The following SYDE2 variants were observed in gnomAD, a reference collection of about 807,000 sequenced individuals.
SYDE2 encodes the protein synapse defective Rho GTPase homolog 2.
SYDE2 carries 76 observed loss-of-function variants against 91.5 expected under a neutral mutation model. The ratio of observed to expected loss-of-function variants is 0.83; its 90% CI spans 0.69 to 1.01. SYDE2 has a LOEUF of 1.01. Ranked by LOEUF, SYDE2 falls within the 50% of genes least tolerant of loss-of-function variation. SYDE2 has a pLI of 0.00. For synonymous variants in SYDE2, 513 were observed against 506.4 expected (o/e 1.01, Z -0.18); for missense variants, 1,364 against 1,367.7 (o/e 1.00, Z 0.04).
At chr1:85,175,041 C>T (rs746034156) in intron 4 of SYDE2, among the ~76,000 whole-genome samples, 41 of 152,156 alleles carry the variant, frequency 2.7e-4, no homozygotes, top group Admixed American at 3.9e-4. Flanking sequence ...GTCAAATGAA[C>T]TTTCAGGTAC....
chr1:85,159,718 T>G, intron 6 of SYDE2: 1 of 424,706 alleles, frequency 2.4e-6, no homozygotes, highest in Non-Finnish European at 3.1e-6. Context: ...TTCCGACCCT[T>G]GTGGGCTTTT....
At chr1:85,155,831 A>C (rs373726289), downstream of SYDE2, among the ~76,000 whole-genome samples, 8 of 152,350 alleles carry the variant, frequency 5.3e-5, no homozygotes, top group East Asian at 1.2e-3. Flanking sequence ...AGGGAAAACT[A>C]TACATCTATT....
downstream of SYDE2, among the ~76,000 whole-genome samples, chr1:85,155,053 GAAAAGAAAGA>G (rs1557736572): frequency 1.7e-5 from 2 of 116,746 alleles, no homozygotes; most frequent in African/African-American, 6.4e-5. Flanking sequence ...AGAAAAGAAA[GAAAAGAAAGA>G]AAAAAAAAAT....
At chr1:85,185,197 T>A (rs1190699843) in intron 2 of SYDE2, among the ~76,000 whole-genome samples, 1 of 147,956 alleles carries the variant, frequency 6.8e-6, no homozygotes, top group East Asian at 1.9e-4. Flanking sequence ...TATTTTACAA[T>A]ATTAAATGTA....
rs549748234 is a variant in SYDE2, at chr1:85,187,518, A to G, written c.1441+2539T>C. 2.4e-3 allele frequency among the ~76,000 whole-genome samples: 367 copies of G among 151,206 alleles called. 2 individuals carry two copies. Among genetic ancestry groups the G allele is most frequent in the African/African-American group, 8.5e-3 (350 of 41,288 alleles). ...TGACCCAGCCATCCCATTACTGGGT[A>G]TATACCCAAAGGACTATAAATCATG... is the stretch of plus-strand genomic sequence containing the variant. On this transcript the variant is annotated intron_variant, in intron 2 of 6. Transcript: ENST00000341460.
chr1:85,183,080 T>C lies in SYDE2; in HGVS notation c.1562A>G (p.Lys521Arg), dbSNP rs777239129. 2.5e-6 allele frequency: 4 copies of C among 1,613,460 alleles called. No homozygotes were observed. In the African/African-American group the frequency reaches 5.3e-5, roughly 22 times the overall value. The change falls in exon 3 of 7, where the codon AAA becomes AGA. Residue 521 changes from lysine (K) to arginine (R), a missense_variant. Transcript: ENST00000341460. Reference protein sequence around the residue: ...SINWSLPDKIKSPRTVRKLSM... With the variant: ...SINWSLPDKIRSPRTVRKLSM... Reference sequence around the variant, plus strand: ...AAGTTTCCTCACAGTTCGTGGAGATTTTATTTTATCTGGCAATGACCAATT... The same window carrying C: ...AAGTTTCCTCACAGTTCGTGGAGATCTTATTTTATCTGGCAATGACCAATT...
chr1:85,192,325 C>G (rs1393207661), intron 1 of SYDE2, among the ~76,000 whole-genome samples: 1 of 152,016 alleles, frequency 6.6e-6, no homozygotes, highest in Non-Finnish European at 1.5e-5. Flanking sequence ...GGAAGATTGC[C>G]TGAGCCCAGG....
intron 2 of SYDE2, among the ~76,000 whole-genome samples, chr1:85,186,372 T>G (rs1658140059): frequency 1.3e-5 from 2 of 152,184 alleles, no homozygotes; most frequent in Non-Finnish European, 1.5e-5. Context: ...GAAGGAATGG[T>G]ACCAGTTCCT....
intron 3 of SYDE2, among the ~76,000 whole-genome samples, chr1:85,179,292 A>G (rs946177668): frequency 1.3e-5 from 2 of 152,206 alleles, no homozygotes; most frequent in African/African-American, 4.8e-5. Flanking sequence ...AATGCAATAA[A>G]TGATCTAGAG....
At chr1:85,159,475 TC>T (rs1283023643) in intron 6 of SYDE2, among the ~76,000 whole-genome samples, 1 of 152,238 alleles carries the variant, frequency 6.6e-6, no homozygotes, top group Non-Finnish European at 1.5e-5. Context: ...TCATGCTACA[TC>T]ATAACGTCCC....
At chr1:85,183,255 A>G in intron 2 of SYDE2, 55 bp from the exon 3 acceptor site, 1 of 1,451,664 alleles carries the variant, frequency 6.9e-7, no homozygotes, top group Non-Finnish European at 9.1e-7. Context: ...GATTTCTTTT[A>G]TTCTTATTTT....
intron 1 of SYDE2, chr1:85,194,886 C>T (rs893265361): frequency 6.1e-6 from 6 of 976,300 alleles, no homozygotes; most frequent in South Asian, 4.7e-5. Flanking sequence ...ACCGGCTGGG[C>T]GCGGTGGCTC....
At chr1:85,161,566 A>G (rs1657060419) in intron 6 of SYDE2, among the ~76,000 whole-genome samples, 1 of 152,054 alleles carries the variant, frequency 6.6e-6, no homozygotes, top group Admixed American at 6.6e-5. Context: ...TCTCTACTAA[A>G]AATACAAAAA....
chr1:85,198,256 T>C (rs534196670), intron 1 of SYDE2, among the ~76,000 whole-genome samples: 3 of 152,212 alleles, frequency 2.0e-5, no homozygotes, highest in Non-Finnish European at 2.9e-5. Flanking sequence ...CTCTGTTCTT[T>C]TTCTTGTAGC....
chr1:85,171,333 A>G (rs1657499982), intron 4 of SYDE2, among the ~76,000 whole-genome samples: 1 of 152,152 alleles, frequency 6.6e-6, no homozygotes, highest in African/African-American at 2.4e-5. Context: ...GTCATCAGGG[A>G]AGAGGATCTT....
chr1:85,158,989 G>A lies in SYDE2; in HGVS notation c.3346C>T (p.Pro1116Ser). ...TCTCCGATTTTTCTATCTTCTGAAG[G>A]GACATCATCATAATCCACATCATTT... ...NLNDVDYDDV[P>S]SEDRKIGENY... Residue 1116 changes from proline (P) to serine (S), a missense_variant, in exon 7 of 7, where the codon CCT becomes TCT. Pro to Ser is a moderately conservative substitution (Grantham distance 74, BLOSUM62 -1). Coordinates refer to ENST00000341460, the MANE Select transcript of SYDE2 (RefSeq NM_032184.2). 1.3e-6 allele frequency: 1 copy of A among 780,610 alleles called. No homozygotes were observed. The highest frequency in any genetic ancestry group is 2.4e-6 in the Non-Finnish European group (1 of 417,944). The allele number at this position is 780,610 out of a possible 1,614,324, so 48.4% of individuals were successfully genotyped here.
intron 4 of SYDE2, among the ~76,000 whole-genome samples, chr1:85,170,622 TG>T (rs1205227165): frequency 6.6e-6 from 1 of 152,214 alleles, no homozygotes; most frequent in Non-Finnish European, 1.5e-5. Flanking sequence ...CATGCTAAAC[TG>T]GTACACATAA....
intron 2 of SYDE2, among the ~76,000 whole-genome samples, chr1:85,189,575 CTT>C (rs1198348800): frequency 1.3e-5 from 2 of 152,194 alleles, no homozygotes; most frequent in African/African-American, 4.8e-5. Context: ...ATGGCTCACA[CTT>C]ATAATCCCAG....
chr1:85,159,092 G>A lies in SYDE2; in HGVS notation c.3243C>T (p.Asp1081=). ...GVLRPRQNRL[D]SPLSNRYAGD... ...CTGCATAACGATTGCTAAGTGGACTGTCTAATCGGTTTTGCCTTGGCCTAA... is the reference window on the plus strand; with the variant it reads ...CTGCATAACGATTGCTAAGTGGACTATCTAATCGGTTTTGCCTTGGCCTAA... Residue 1081 remains aspartate, a synonymous_variant, in exon 7 of 7, where the codon GAC becomes GAT. Coordinates refer to ENST00000341460, the MANE Select transcript of SYDE2 (RefSeq NM_032184.2). 2 of 780,826 alleles carry A rather than the reference G, an allele frequency of 2.6e-6. No homozygotes were observed. The highest frequency in any genetic ancestry group is 2.7e-5 in the South Asian group (2 of 74,622). The allele number at this position is 780,826 out of a possible 1,614,324, so 48.4% of individuals were successfully genotyped here. A position where few individuals can be genotyped will look rare whatever the true frequency, so the allele number is the denominator to read the frequency against.
Sources: allele counts gnomAD v4.1 joint callset (sites outside exome capture counted in the v4.1 genomes callset), GRCh38; gene constraint gnomAD v4.1.1; transcripts MANE v1.5; gene names NCBI Gene and HGNC (gene_info 2026-07-23, HGNC 2026-07-21).